Variants in REPS2 observed in about 807,000 individuals in gnomAD.
REPS2 encodes the protein RALBP1 associated Eps domain containing 2.
Under a neutral mutation model 53.6 loss-of-function variants are expected in REPS2, and 23 were observed. That is an observed-to-expected ratio of 0.43 (90% CI 0.31 to 0.61). The LOEUF is 0.61. REPS2 is among the 20% of genes least tolerant of loss of function. The pLI, the probability that REPS2 is intolerant of heterozygous loss-of-function variation, is 0.11. For synonymous variants in REPS2, 238 were observed against 218.6 expected (o/e 1.09, Z -0.78); for missense variants, 446 against 534.9 (o/e 0.83, Z 1.64).
intron 7 of REPS2, among the ~76,000 whole-genome samples, chrX:17,054,173 G>C (rs2062037029): frequency 8.9e-6 from 1 of 111,811 alleles, no homozygotes; most frequent in South Asian, 3.7e-4. Flanking sequence ...CTTCCTTTTT[G>C]TCTTATCTGG....
chrX:17,090,014 C>G (rs775115412), intron 13 of REPS2, among the ~76,000 whole-genome samples: 41 of 112,173 alleles, frequency 3.7e-4, no homozygotes, highest in Admixed American at 1.2e-3. Flanking sequence ...ATGAGGGTTA[C>G]TATTTCTTTA....
At chrX:17,160,759 G>C in the REPS2 span, among the ~76,000 whole-genome samples, 1 of 112,330 alleles carries the variant, frequency 8.9e-6, no homozygotes, top group Admixed American at 9.4e-5. Context: ...AGCCAACAGA[G>C]GATTATTTCT....
At chrX:17,120,868 G>A (rs977410698) in intron 14 of REPS2, among the ~76,000 whole-genome samples, 4 of 111,709 alleles carry the variant, frequency 3.6e-5, no homozygotes, top group Non-Finnish European at 7.5e-5. Context: ...CTTTTCCATC[G>A]GGGAACATGA....
At chrX:17,115,852 G>A (rs1237860733) in intron 14 of REPS2, among the ~76,000 whole-genome samples, 1 of 111,780 alleles carries the variant, frequency 8.9e-6, no homozygotes, top group Admixed American at 9.5e-5. Context: ...TGGGGGTAAG[G>A]TTATAGATTA....
At chrX:16,972,831 T>C (rs1450552422) in intron 1 of REPS2, among the ~76,000 whole-genome samples, 1 of 111,629 alleles carries the variant, frequency 9.0e-6, no homozygotes, top group Admixed American at 9.5e-5. Flanking sequence ...TTCCTTTATA[T>C]TCCTCACCCT....
At chrX:16,958,157 G>C (rs988895790) in intron 1 of REPS2, among the ~76,000 whole-genome samples, 5 of 111,655 alleles carry the variant, frequency 4.5e-5, no homozygotes, top group African/African-American at 1.6e-4. Flanking sequence ...TGAGGAGGCA[G>C]ACTAAAAAAG....
chrX:17,078,406 G>A (rs2062409786), intron 13 of REPS2, among the ~76,000 whole-genome samples: 1 of 112,258 alleles, frequency 8.9e-6, no homozygotes, highest in Non-Finnish European at 1.9e-5. Context: ...TCTCCTCACA[G>A]TAAAGTTATA....
In REPS2 at chrX:17,115,473, G is replaced by A. The variant is rs1474581489; in HGVS notation, c.1578+11694G>A. Among the ~76,000 whole-genome samples, 3 of 111,554 alleles carry A rather than the reference G, an allele frequency of 2.7e-5. No homozygotes were observed. The East Asian group carries it at 8.5e-4, about 31-fold the overall frequency. On this transcript the variant is annotated intron_variant, in intron 14 of 17. Coordinates refer to ENST00000357277, the MANE Select transcript of REPS2 (RefSeq NM_004726.3). ...CCGAGACATTCCATTGCCCAGGGAC[G>A]GGCAGGAGACAGATGCCTTCCTCTT...
At chrX:17,163,058 A>G in the REPS2 span, among the ~76,000 whole-genome samples, 6 of 112,399 alleles carry the variant, frequency 5.3e-5, no homozygotes, top group Admixed American at 5.7e-4. Flanking sequence ...TTATTAGACA[A>G]ATACATAATT....
At chrX:17,137,880 A>AT (rs1191330576) in intron 16 of REPS2, 2 of 112,431 alleles carry the variant, frequency 1.8e-5, no homozygotes, top group Non-Finnish European at 3.7e-5. Context: ...AAGTGCTGGG[A>AT]TTACAGGCCT....
chrX:17,025,491 A>AT (rs1239113002), intron 4 of REPS2, among the ~76,000 whole-genome samples: 3 of 111,498 alleles, frequency 2.7e-5, no homozygotes, highest in Admixed American at 9.5e-5. Context: ...AAGGGCTTGT[A>AT]TTTTTTTTGG....
At chrX:17,154,847 C>T (rs192075269), downstream of REPS2, among the ~76,000 whole-genome samples, 63 of 111,950 alleles carry the variant, frequency 5.6e-4, no homozygotes, top group East Asian at 3.9e-3. Flanking sequence ...TACCAGAAGA[C>T]GCAAGGCCAG....
intron 13 of REPS2, among the ~76,000 whole-genome samples, chrX:17,087,111 T>A (rs184579664): frequency 8.9e-6 from 1 of 112,549 alleles, no homozygotes; most frequent in Non-Finnish European, 1.9e-5. Flanking sequence ...TATTCTTTTT[T>A]GACATCTGTC....
chrX:17,170,369 T>C, the REPS2 span, among the ~76,000 whole-genome samples: 1 of 112,754 alleles, frequency 8.9e-6, no homozygotes. Context: ...ACTGGTTAAA[T>C]TGTGGACAGT....
intron 8 of REPS2, among the ~76,000 whole-genome samples, chrX:17,059,079 C>T (rs182157790): frequency 6.9e-5 from 7 of 101,822 alleles, no homozygotes; most frequent in South Asian, 4.7e-4. Flanking sequence ...GGTGCAATCT[C>T]GGCTCACTGC....
chrX:17,011,256 C>T (rs1396148547), intron 2 of REPS2, among the ~76,000 whole-genome samples: 1 of 111,680 alleles, frequency 9.0e-6, no homozygotes, highest in African/African-American at 3.3e-5. Flanking sequence ...TCTCTAGCCC[C>T]ACCCTCGTCT....
intron 5 of REPS2, among the ~76,000 whole-genome samples, chrX:17,032,000 G>T (rs992972636): frequency 8.9e-6 from 1 of 111,809 alleles, no homozygotes; most frequent in African/African-American, 3.3e-5. Flanking sequence ...ACTGGTCAAG[G>T]TTCCTCAGTC....
chrX:17,139,372 C>A (rs2063414209), intron 17 of REPS2, among the ~76,000 whole-genome samples: 1 of 111,338 alleles, frequency 9.0e-6, no homozygotes, highest in Non-Finnish European at 1.9e-5. Flanking sequence ...TTATTTACAT[C>A]CTCTCTGAAA....
intron 9 of REPS2, among the ~76,000 whole-genome samples, chrX:17,067,039 G>C (rs1266251317): frequency 1.8e-5 from 2 of 112,047 alleles, no homozygotes; most frequent in Admixed American, 1.9e-4. Context: ...TGGAACACCA[G>C]ATGGCTCCAG....
Sources: allele counts gnomAD v4.1 joint callset (sites outside exome capture counted in the v4.1 genomes callset), GRCh38; gene constraint gnomAD v4.1.1; transcripts MANE v1.5; gene names NCBI Gene and HGNC (gene_info 2026-07-23, HGNC 2026-07-21).